The following AHNAK2 variants were observed in gnomAD, a reference collection of about 807,000 sequenced individuals.
The protein encoded by AHNAK2 is AHNAK nucleoprotein 2, also known as protein AHNAK2.
In AHNAK2, 18 loss-of-function variants were observed where a neutral mutation model predicts 30.7. That is an observed-to-expected ratio of 0.59 (90% CI 0.41 to 0.87). The LOEUF is 0.87. Ranked by LOEUF, AHNAK2 falls within the 40% of genes least tolerant of loss-of-function variation. The pLI is 0.00. For missense variants in AHNAK2, 8,604 were observed against 7,373.0 expected, an observed-to-expected ratio of 1.17 and a Z score of -6.11; for synonymous variants, 3,590 against 3,073.8, an observed-to-expected ratio of 1.17 and a Z score of -5.56.
Position 104,945,808 on chromosome 14 carries a change from G to A in AHNAK2, c.9643C>T (p.His3215Tyr), listed in dbSNP as rs756370476. The change falls in exon 7 of 7, where the codon CAC becomes TAC. Residue 3215 changes from histidine to tyrosine, a missense_variant. By Grantham distance (83) the His-to-Tyr change is moderately conservative (BLOSUM62 2). Transcript: ENST00000333244. Reference protein sequence around the residue: ...GQVDVKLPEGHVLEGAGLKGH... With the variant: ...GQVDVKLPEGYVLEGAGLKGH... The stretch of plus-strand genomic sequence containing the variant: ...TTGAGGCCAGCTCCCTCGAGAACGT[G>A]GCCCTCTGGGAGCTTCACGTCCACC... The A allele has an allele frequency of 1.3e-6, 2 of 1,523,302 alleles. 1 individual carries two copies. Among genetic ancestry groups the A allele is most frequent in the Admixed American group, 3.5e-5 (2 of 56,966 alleles). The allele number at this position is 1,523,302 out of a possible 1,614,324, so 94.4% of individuals were successfully genotyped here. A position where few individuals can be genotyped will look rare whatever the true frequency, so the allele number is the denominator to read the frequency against.
rs377328325 is a variant in AHNAK2, at chr14:104,940,248, C to T, written c.15203G>A (p.Gly5068Asp). The T allele has an allele frequency of 7.4e-6, 12 of 1,613,538 alleles. No homozygotes were observed. Among genetic ancestry groups the T allele is most frequent in the African/African-American group, 1.3e-5 (1 of 74,942 alleles). Residue 5068 changes from glycine (G) to aspartate (D), a missense_variant, in exon 7 of 7, where the codon GGT (glycine) becomes GAT (aspartate). Physicochemically the swap from Gly to Asp is moderately conservative, Grantham distance 94. Coordinates refer to ENST00000333244, the MANE Select transcript of AHNAK2 (RefSeq NM_138420.4). This position sits in a 1 kb window ranked among gnomAD's most constrained non-coding sequence, Gnocchi z 4.4. ...FQDTEKASSDGGRGGLGATAS... is the reference protein window; with the variant it reads ...FQDTEKASSDDGRGGLGATAS... The stretch of plus-strand genomic sequence containing the variant: ...TGTTGCACCAAGTCCTCCCCTACCA[C>T]CGTCACTGCTGGCCTTTTCTGTGTC...
intron 1 of AHNAK2, among the ~76,000 whole-genome samples, chr14:104,971,362 G>A (rs1308236881): frequency 6.6e-6 from 1 of 152,098 alleles, no homozygotes. Flanking sequence ...TGATCCTCCC[G>A]CCTTGGCCTC....
At position 104,975,904 on chromosome 14, in the gene AHNAK2, C is replaced by T. The variant is rs190153792; in HGVS notation, c.55+2279G>A. Among the ~76,000 whole-genome samples, 320 of 152,316 alleles carry T rather than the reference C, an allele frequency of 2.1e-3. 1 individual carries two copies. The highest frequency in any genetic ancestry group is 6.8e-3 in the Middle Eastern group (2 of 292). On this transcript the variant is annotated intron_variant, in intron 1 of 6. Transcript: ENST00000333244. ...AGGGCACCAGCGAGGCACAGAACAGCGAGACCACCTCCACAGCTGCCTTGC... is the reference window on the plus strand; with the variant it reads ...AGGGCACCAGCGAGGCACAGAACAGTGAGACCACCTCCACAGCTGCCTTGC...
chr14:104,947,691 T>G lies in AHNAK2; in HGVS notation c.7760A>C (p.Asp2587Ala). ...CAGGTCCAGCTTGGGGCCCTTGACA[T>G]CTAGCTGGGGGCCCTTGAGGTCCAT... Reference protein sequence around the residue: ...PEMDLKGPQLDVKGPKLDLKG... With the variant: ...PEMDLKGPQLAVKGPKLDLKG... Residue 2587 changes from aspartate (D) to alanine (A), a missense_variant, in exon 7 of 7, where the codon GAT becomes GCT. Coordinates refer to ENST00000333244, the MANE Select transcript of AHNAK2 (RefSeq NM_138420.4). 1 of 1,612,632 alleles carries G rather than the reference T, an allele frequency of 6.2e-7. No homozygotes were observed. The highest frequency in any genetic ancestry group is 8.5e-7 in the Non-Finnish European group (1 of 1,179,564).
chr14:104,943,881 G>A lies in AHNAK2; in HGVS notation c.11570C>T (p.Ser3857Phe). ...KTTDLSIQPH[S>F]ADLTVQARQV... The stretch of plus-strand genomic sequence containing the variant: ...GCGAGCTTGGACCGTCAGGTCGGCA[G>A]AATGGGGCTGAATGCTGAGGTCAGT... Residue 3857 changes from serine (S) to phenylalanine (F), a missense_variant, in exon 7 of 7, where the codon TCT becomes TTT. Ser to Phe is a radical substitution (Grantham distance 155). Coordinates refer to ENST00000333244, the MANE Select transcript of AHNAK2 (RefSeq NM_138420.4). 1.9e-6 allele frequency: 3 copies of A among 1,613,152 alleles called. No individual in the cohort carries two copies. Among genetic ancestry groups the A allele is most frequent in the African/African-American group, 1.3e-5 (1 of 74,838 alleles).
chr14:104,941,098 A>G lies in AHNAK2; in HGVS notation c.14353T>C (p.Ser4785Pro). ...TGPHFESSIL[S>P]PCEDVTLTKY... ...GTAAGTGTAACATCCTCACAGGGAG[A>G]GAGAATAGAAGATTCAAAGTGAGGA... Residue 4785 changes from serine to proline, a missense_variant, in exon 7 of 7, where the codon TCT (serine) becomes CCT (proline). Physicochemically the swap from Ser to Pro is moderately conservative, Grantham distance 74 (BLOSUM62 -1). Coordinates refer to ENST00000333244, the MANE Select transcript of AHNAK2 (RefSeq NM_138420.4). 6.2e-7 allele frequency: 1 copy of G among 1,613,706 alleles called. No homozygotes were observed. The highest frequency in any genetic ancestry group is 1.7e-5 in the Admixed American group (1 of 60,022).
At chr14:104,967,811 G>A (rs1899345428) in intron 1 of AHNAK2, among the ~76,000 whole-genome samples, 3 of 152,176 alleles carry the variant, frequency 2.0e-5, no homozygotes, top group South Asian at 2.1e-4. Context: ...CCAGGCTACC[G>A]GCCTCGGACC....
At chr14:104,963,058 A>C (rs1180145124) in intron 1 of AHNAK2, among the ~76,000 whole-genome samples, 3 of 152,262 alleles carry the variant, frequency 2.0e-5, no homozygotes, top group African/African-American at 7.2e-5. Context: ...CATTTTCCTC[A>C]GAAAACGAAA....
chr14:104,965,683 C>A (rs1465550683), intron 1 of AHNAK2, among the ~76,000 whole-genome samples: 1 of 152,168 alleles, frequency 6.6e-6, no homozygotes, highest in Non-Finnish European at 1.5e-5. Flanking sequence ...ATGTCCCTAT[C>A]CTTTGGGGTG....
intron 3 of AHNAK2, among the ~76,000 whole-genome samples, chr14:104,957,139 CT>C (rs1898999348): frequency 6.6e-6 from 1 of 152,218 alleles, no homozygotes; most frequent in African/African-American, 2.4e-5. Flanking sequence ...CCCTGTGCCC[CT>C]GAAACACAAA....
chr14:104,968,690 C>A (rs568908303), intron 1 of AHNAK2, among the ~76,000 whole-genome samples: 84 of 152,328 alleles, frequency 5.5e-4, no homozygotes, highest in African/African-American at 2.0e-3. Context: ...GCCCTGGGGG[C>A]TGGCAGGGAG....
rs192764647 is a variant in AHNAK2 at position 104,950,871 on chromosome 14, A to C, written c.4580T>G (p.Val1527Gly). The C allele has an allele frequency of 1.3e-3, 2,062 of 1,582,026 alleles. 179 individuals are homozygous for C. The East Asian group carries it at 0.033, about 25-fold the overall frequency. ...GTCCCCCTGCATGGAGGGGAGGCTC[A>C]CGTCGGCCTCCACCTTCGGCGCAGA... ...DVSAPKVEAD[V>G]SLPSMQGDLK... Residue 1527 changes from valine (V) to glycine (G), a missense_variant, in exon 7 of 7, where the codon GTG becomes GGG. By Grantham distance (109) the Val-to-Gly change is moderately radical. Coordinates refer to ENST00000333244, the MANE Select transcript of AHNAK2 (RefSeq NM_138420.4).
In AHNAK2 at chr14:104,953,409, T is replaced by A. The variant is rs1313387071; in HGVS notation, c.2042A>T (p.Lys681Met). The change falls in exon 7 of 7, where the codon AAG (lysine) becomes ATG (methionine). Residue 681 changes from lysine to methionine, a missense_variant. Transcript: ENST00000333244. Reference sequence around the variant, plus strand: ...GGCTGACGCCCCGAACAATGGCATCTTGAACTTGGGCATTTTGAACTTGCT... The same window carrying A: ...GGCTGACGCCCCGAACAATGGCATCATGAACTTGGGCATTTTGAACTTGCT... ...KDSKFKMPKF[K>M]MPLFGASAPG... is the part of the protein sequence containing the mutation. 2 of 1,614,074 alleles carry A rather than the reference T, an allele frequency of 1.2e-6. No individual in the cohort carries two copies. Among genetic ancestry groups the A allele is most frequent in the Non-Finnish European group, 1.7e-6 (2 of 1,179,904 alleles).
At chr14:104,977,291 C>G (rs1031263574) in intron 1 of AHNAK2, among the ~76,000 whole-genome samples, 1 of 152,206 alleles carries the variant, frequency 6.6e-6, no homozygotes, top group African/African-American at 2.4e-5. Context: ...CAGCATAGAC[C>G]CAGCGCCCAA....
rs746972048 is a variant in AHNAK2, at chr14:104,940,758, G to A, written c.14693C>T (p.Pro4898Leu). ...VGAPVMSPLS[P>L]GERVQCPLPS... ...CAAGGGGCACTGCACTCTTTCTCCA[G>A]GGCTAAGAGGAGACATGACTGGGGC... Residue 4898 changes from proline to leucine, a missense_variant, in exon 7 of 7, where the codon CCT becomes CTT. Transcript: ENST00000333244. The surrounding 1 kb of genome is among the most constrained non-coding windows in gnomAD (Gnocchi z 4.4). The A allele has an allele frequency of 2.2e-5, 36 of 1,612,854 alleles. No homozygotes were observed. The highest frequency in any genetic ancestry group is 3.3e-5 in the South Asian group (3 of 91,082).
In AHNAK2 at chr14:104,944,218, C is replaced by T. The variant is rs1595395716; in HGVS notation, c.11233G>A (p.Gly3745Ser). 3.7e-6 allele frequency: 6 copies of T among 1,612,884 alleles called. No homozygotes were observed. The highest frequency in any genetic ancestry group is 5.1e-6 in the Non-Finnish European group (6 of 1,179,496). The change falls in exon 7 of 7, where the codon GGC becomes AGC. Residue 3745 changes from glycine to serine, a missense_variant. By Grantham distance (56) the Gly-to-Ser change is moderately conservative. Coordinates refer to ENST00000333244, the MANE Select transcript of AHNAK2 (RefSeq NM_138420.4). The part of the protein sequence containing the change: ...DLKGPQVDIK[G>S]PKLDLKVSKA... ...GAGACTTTTAGGTCCAGCTTGGGGCCCTTGATGTCCACCTGGGGGCCCTTG... is the reference window on the plus strand; with the variant it reads ...GAGACTTTTAGGTCCAGCTTGGGGCTCTTGATGTCCACCTGGGGGCCCTTG...
In AHNAK2 at chr14:104,942,900, T is replaced by A; in HGVS notation, c.12551A>T (p.Gln4184Leu). Residue 4184 changes from glutamine (Q) to leucine (L), a missense_variant, in exon 7 of 7, where the codon CAG (glutamine) becomes CTG (leucine). Coordinates refer to ENST00000333244, the MANE Select transcript of AHNAK2 (RefSeq NM_138420.4). ...GACCTCCAGGTCGGCGGAAGGGGAC[T>A]GAATGCTGAGGTCAGTGGTCTTGAG... The part of the protein sequence containing the change: ...GDLKTTDLSI[Q>L]SPSADLEVQA... 5 of 1,612,924 alleles carry A rather than the reference T, an allele frequency of 3.1e-6. No homozygotes were observed. Among genetic ancestry groups the A allele is most frequent in the Non-Finnish European group, 4.2e-6 (5 of 1,179,546 alleles).
Position 104,938,140 on chromosome 14 carries a change from CTG to C in AHNAK2, c.17309_17310del (p.Thr5770ArgfsTer12). On this transcript the variant is annotated frameshift_variant, in exon 7 of 7. Coordinates refer to ENST00000333244, the MANE Select transcript of AHNAK2 (RefSeq NM_138420.4). LOFTEE classifies it low-confidence loss of function (END_TRUNC). ...SRVMVTSAAR[T>X]ELILPEQDRK... ...CTGTCCTGCTCGGGCAGGATTAACTCTGTTCTTGCCGCGGATGTCACCATCAC... is the reference window on the plus strand; with the variant it reads ...CTGTCCTGCTCGGGCAGGATTAACTCTTCTTGCCGCGGATGTCACCATCAC... The C allele has an allele frequency of 6.2e-7, 1 of 1,614,020 alleles. No individual in the cohort carries two copies. Among genetic ancestry groups the C allele is most frequent in the Non-Finnish European group, 8.5e-7 (1 of 1,179,898 alleles).
In AHNAK2 at chr14:104,947,057, G is replaced by C. The variant is rs1555400348; in HGVS notation, c.8394C>G (p.Asp2798Glu). The C allele has an allele frequency of 6.2e-7, 1 of 1,612,240 alleles. No homozygotes were observed. The highest frequency in any genetic ancestry group is 8.5e-7 in the Non-Finnish European group (1 of 1,179,544). The change falls in exon 7 of 7, where the codon GAC becomes GAG. Residue 2798 changes from aspartate to glutamate, a missense_variant. Asp to Glu is a conservative substitution (Grantham distance 45). Coordinates refer to ENST00000333244, the MANE Select transcript of AHNAK2 (RefSeq NM_138420.4). Reference sequence around the variant, plus strand: ...TCATGCCCTTGTCGGCCAGGGACAGGTCCCCCTCCAGCCGCGCACCATCCA... The same window carrying C: ...TCATGCCCTTGTCGGCCAGGGACAGCTCCCCCTCCAGCCGCGCACCATCCA... ...AKLDGARLEG[D>E]LSLADKGMTA...
Sources: allele counts gnomAD v4.1 joint callset (sites outside exome capture counted in the v4.1 genomes callset), GRCh38; gene constraint gnomAD v4.1.1; non-coding constraint Gnocchi (gnomAD v3.1); transcripts MANE v1.5; gene names NCBI Gene and HGNC (gene_info 2026-07-23, HGNC 2026-07-21).